RBFOX1: variants seen among roughly 807,000 people sequenced by gnomAD.
The protein encoded by RBFOX1 is RNA binding fox-1 homolog 1.
In RBFOX1, 8 loss-of-function variants were observed where a neutral mutation model predicts 57.7. The observed-to-expected ratio is 0.14, with a 90% confidence interval of 0.08 to 0.25. The LOEUF (loss-of-function observed/expected upper bound fraction) is 0.25. RBFOX1 is among the 10% of genes least tolerant of loss of function. The probability of loss-of-function intolerance (pLI) is 1.00; values close to 1 mark genes in which losing one functional copy is unlikely to be tolerated. For synonymous variants in RBFOX1, 326 were observed against 222.4 expected, an observed-to-expected ratio of 1.47 and a Z score of -4.15; for missense variants, 611 against 548.5, an observed-to-expected ratio of 1.11 and a Z score of -1.14.
At chr16:6,447,777 A>G (rs2094513889) in intron 2 of RBFOX1, among the ~76,000 whole-genome samples, 1 of 152,346 alleles carries the variant, frequency 6.6e-6, no homozygotes, top group South Asian at 2.1e-4. Context: ...TTTAGCACTC[A>G]GTAAATTAAA....
At chr16:5,763,595 T>C (rs866345822) in intron 3 of RBFOX1, among the ~76,000 whole-genome samples, 1 of 152,244 alleles carries the variant, frequency 6.6e-6, no homozygotes, top group South Asian at 2.1e-4. Flanking sequence ...TTTTTAAAAA[T>C]TGCTGCCAAG....
At chr16:5,656,173 G>C (rs545709098) in intron 3 of RBFOX1, among the ~76,000 whole-genome samples, 7 of 152,222 alleles carry the variant, frequency 4.6e-5, no homozygotes, top group African/African-American at 1.7e-4. Flanking sequence ...CTCTTCTTAG[G>C]TGCATGTGTG....
At chr16:5,748,772 A>C (rs1293614075) in intron 3 of RBFOX1, among the ~76,000 whole-genome samples, 1 of 152,042 alleles carries the variant, frequency 6.6e-6, no homozygotes, top group African/African-American at 2.4e-5. Flanking sequence ...GTCTCTGCAC[A>C]TGAGATGGGT....
At chr16:5,338,770 C>G (rs1426359145) in intron 1 of RBFOX1, among the ~76,000 whole-genome samples, 1 of 152,192 alleles carries the variant, frequency 6.6e-6, no homozygotes, top group South Asian at 2.1e-4. Flanking sequence ...GCAATCCCCA[C>G]TTTAGCCTCC....
chr16:6,492,303 G>T (rs2095650585), intron 2 of RBFOX1, among the ~76,000 whole-genome samples: 1 of 152,192 alleles, frequency 6.6e-6, no homozygotes. Context: ...GGGCACGATG[G>T]CCCACGCCTG....
chr16:6,154,377 A>G, intron 1 of RBFOX1, among the ~76,000 whole-genome samples: 1 of 152,398 alleles, frequency 6.6e-6, no homozygotes, highest in Admixed American at 6.5e-5. Context: ...TGATAATTCT[A>G]GATCAGGGTA....
intron 2 of RBFOX1, among the ~76,000 whole-genome samples, chr16:6,323,022 C>T (rs1313473584): frequency 6.6e-6 from 1 of 152,166 alleles, no homozygotes; most frequent in Non-Finnish European, 1.5e-5. Context: ...CATAGCAGAG[C>T]TCTTTTCCCA....
At chr16:5,535,422 G>A (rs191011181) in intron 2 of RBFOX1, among the ~76,000 whole-genome samples, 153 of 152,280 alleles carry the variant, frequency 1.0e-3, no homozygotes, top group African/African-American at 3.4e-3. Flanking sequence ...AGTGGGATAG[G>A]CACAGGATAA....
chr16:7,326,728 A>G (rs2096616408), intron 4 of RBFOX1, among the ~76,000 whole-genome samples: 1 of 152,046 alleles, frequency 6.6e-6, no homozygotes, highest in Admixed American at 6.5e-5. Flanking sequence ...GAAACATAAA[A>G]GGGCGACAGA....
chr16:7,288,723 C>G (rs1428301358), intron 4 of RBFOX1, among the ~76,000 whole-genome samples: 2 of 152,172 alleles, frequency 1.3e-5, no homozygotes, highest in East Asian at 1.9e-4. Flanking sequence ...TGCCAATAAT[C>G]CCGGCTACAT....
At chr16:6,427,943 T>C (rs1292894634) in intron 2 of RBFOX1, among the ~76,000 whole-genome samples, 1 of 152,156 alleles carries the variant, frequency 6.6e-6, no homozygotes, top group African/African-American at 2.4e-5. Context: ...ATTTATAGTA[T>C]TGCTGTGAGG....
chr16:5,634,975 G>A (rs1345161125), intron 3 of RBFOX1, among the ~76,000 whole-genome samples: 1 of 152,176 alleles, frequency 6.6e-6, no homozygotes, highest in Non-Finnish European at 1.5e-5. Context: ...GTACAGGGGA[G>A]GAGAGTCACC....
intron 3 of RBFOX1, among the ~76,000 whole-genome samples, chr16:5,653,931 A>G (rs911869834): frequency 6.6e-6 from 1 of 152,118 alleles, no homozygotes; most frequent in Non-Finnish European, 1.5e-5. Context: ...CTGCTCGTCT[A>G]TTCTCCTTCT....
chr16:7,705,539 T>C (rs1406224909), intron 14 of RBFOX1, among the ~76,000 whole-genome samples: 1 of 152,086 alleles, frequency 6.6e-6, no homozygotes, highest in Admixed American at 6.5e-5. Flanking sequence ...CCTATGTGCC[T>C]GGAGCACAGT....
chr16:5,354,884 C>A (rs1024710497), intron 1 of RBFOX1, among the ~76,000 whole-genome samples: 1 of 152,166 alleles, frequency 6.6e-6, no homozygotes, highest in African/African-American at 2.4e-5. Flanking sequence ...TGGCTTGGTT[C>A]CAGTGGCCTT....
At chr16:7,019,063 A>AGT (rs949500968) in intron 3 of RBFOX1, among the ~76,000 whole-genome samples, 2 of 151,650 alleles carry the variant, frequency 1.3e-5, no homozygotes, top group Non-Finnish European at 2.9e-5. Flanking sequence ...AGTTTTTAGA[A>AGT]GTGTGTGTGT....
At chr16:6,827,041 G>A (rs1387988557) in intron 3 of RBFOX1, among the ~76,000 whole-genome samples, 1 of 152,166 alleles carries the variant, frequency 6.6e-6, no homozygotes, top group Non-Finnish European at 1.5e-5. Flanking sequence ...AAAGCAGTTT[G>A]GGGGCAGGCT....
At chr16:6,793,020 C>A (rs1345312977) in intron 3 of RBFOX1, among the ~76,000 whole-genome samples, 10 of 140,228 alleles carry the variant, frequency 7.1e-5, no homozygotes, top group African/African-American at 1.8e-4. Flanking sequence ...CAGAGTGAGA[C>A]TCCATCTGAA....
At position 5,828,607 on chromosome 16, in the gene RBFOX1, G is replaced by A. The variant is rs1053799439; in HGVS notation, c.319-38696G>A. Among the ~76,000 whole-genome samples the A allele has an allele frequency of 2.0e-5, 3 of 152,168 alleles. No homozygotes were observed. In the South Asian group the frequency reaches 6.2e-4, roughly 31 times the overall value. On this transcript the variant is annotated intron_variant, in intron 3 of 19. Coordinates refer to the RBFOX1 transcript ENST00000641259. ...CCAGCTACTCGGGAGGCCGAGGCAGGAGGATCGGTTGAACCCAGGAGGCAG... is the reference window on the plus strand; with the variant it reads ...CCAGCTACTCGGGAGGCCGAGGCAGAAGGATCGGTTGAACCCAGGAGGCAG...
Sources: allele counts gnomAD v4.1 joint callset (sites outside exome capture counted in the v4.1 genomes callset), GRCh38; gene constraint gnomAD v4.1.1; transcripts MANE v1.5; gene names NCBI Gene and HGNC (gene_info 2026-07-23, HGNC 2026-07-21).